PIK3C2G: variants seen among roughly 807,000 people sequenced by gnomAD.
The protein encoded by PIK3C2G is phosphatidylinositol 3-kinase C2 domain-containing subunit gamma.
In PIK3C2G, 168 loss-of-function variants were observed where a neutral mutation model predicts 181.1. The observed-to-expected ratio is 0.93, with a 90% CI of 0.82 to 1.05. PIK3C2G has a LOEUF of 1.05. PIK3C2G is among the 50% of genes least tolerant of loss of function. The pLI, the probability that PIK3C2G is intolerant of heterozygous loss-of-function variation, is 0.00. For synonymous variants in PIK3C2G, 573 were observed against 592.2 expected (o/e 0.97, Z 0.47); for missense variants, 1,869 against 1,732.8 (o/e 1.08, Z -1.40).
At chr12:18,657,780 G>A in the PIK3C2G span, among the ~76,000 whole-genome samples, 1 of 152,078 alleles carries the variant, frequency 6.6e-6, no homozygotes, top group Non-Finnish European at 1.5e-5. Context: ...ACAAAAAATT[G>A]TGAAGTGTGC....
At chr12:18,427,591 A>T (rs1945907826) in intron 18 of PIK3C2G, among the ~76,000 whole-genome samples, 1 of 151,946 alleles carries the variant, frequency 6.6e-6, no homozygotes, top group East Asian at 1.9e-4. Context: ...TTGTTAAAAT[A>T]CTTGGACCAC....
At chr12:18,587,957 C>T (rs1413995005) in intron 29 of PIK3C2G, among the ~76,000 whole-genome samples, 1 of 151,884 alleles carries the variant, frequency 6.6e-6, no homozygotes, top group Admixed American at 6.6e-5. Flanking sequence ...GGCTGCACAC[C>T]TATAGCCAAC....
intron 31 of PIK3C2G, 40 bp downstream of exon 31, chr12:18,609,669 A>C (rs746966385): frequency 1.6e-6 from 2 of 1,243,150 alleles, no homozygotes; most frequent in African/African-American, 1.5e-5. Context: ...GTAAGCCTAC[A>C]TCCAGAAATC....
chr12:18,721,300 AG>A, the PIK3C2G span, among the ~76,000 whole-genome samples: 1 of 152,122 alleles, frequency 6.6e-6, no homozygotes, highest in African/African-American at 2.4e-5. Context: ...ATGAGGGATG[AG>A]GCTGAGGAAC....
At chr12:18,368,855 T>C (rs948038910) in intron 12 of PIK3C2G, among the ~76,000 whole-genome samples, 1 of 152,274 alleles carries the variant, frequency 6.6e-6, no homozygotes, top group East Asian at 1.9e-4. Flanking sequence ...TCCCCAAGGC[T>C]GGATGCTGTA....
At chr12:18,352,128 C>T (rs916328401) in intron 11 of PIK3C2G, among the ~76,000 whole-genome samples, 49 of 152,312 alleles carry the variant, frequency 3.2e-4, no homozygotes, top group African/African-American at 1.2e-3. Context: ...AGGACCAACT[C>T]TGTTTTATTT....
intron 18 of PIK3C2G, among the ~76,000 whole-genome samples, chr12:18,474,330 C>T (rs1433058514): frequency 6.6e-6 from 1 of 152,026 alleles, no homozygotes; most frequent in Non-Finnish European, 1.5e-5. Flanking sequence ...GGCCTTAAAA[C>T]TGATACTAGA....
At chr12:18,554,288 C>A (rs1179277106) in intron 26 of PIK3C2G, among the ~76,000 whole-genome samples, 1 of 152,008 alleles carries the variant, frequency 6.6e-6, no homozygotes, top group Non-Finnish European at 1.5e-5. Context: ...TATAAATGTT[C>A]TTTAACTTTA....
intron 1 of PIK3C2G, among the ~76,000 whole-genome samples, chr12:18,269,912 C>CTTTTTTTTTTT (rs367550750): frequency 7.3e-6 from 1 of 136,930 alleles, no homozygotes. Flanking sequence ...TTTTTCTTTT[C>CTTTTTTTTTTT]TTTTTTTTTT....
At chr12:18,430,177 T>G (rs1946074107) in intron 18 of PIK3C2G, among the ~76,000 whole-genome samples, 1 of 152,124 alleles carries the variant, frequency 6.6e-6, no homozygotes, top group African/African-American at 2.4e-5. Context: ...AGATAAAAAT[T>G]TAAATATGTG....
intron 16 of PIK3C2G, among the ~76,000 whole-genome samples, chr12:18,407,764 T>C (rs557546710): frequency 4.5e-4 from 68 of 152,194 alleles, no homozygotes; most frequent in African/African-American, 1.6e-3. Flanking sequence ...TGGGAATGAA[T>C]TGACAAAAGG....
At chr12:18,640,612 T>C (rs1949796316) in intron 32 of PIK3C2G, 58 bp downstream of exon 32, 1 of 1,466,774 alleles carries the variant, frequency 6.8e-7, no homozygotes, top group Admixed American at 2.3e-5. Context: ...ATTTTTCAGC[T>C]TAACAACCAA....
intron 23 of PIK3C2G, among the ~76,000 whole-genome samples, chr12:18,504,686 C>T (rs1304398667): frequency 7.2e-5 from 11 of 152,180 alleles, no homozygotes; most frequent in Admixed American, 7.2e-4. Context: ...AACATCTGCT[C>T]ATTAGAGAAA....
chr12:18,691,083 T>C, the PIK3C2G span, among the ~76,000 whole-genome samples: 8 of 152,130 alleles, frequency 5.3e-5, no homozygotes, highest in Non-Finnish European at 4.4e-5. Flanking sequence ...AAATTCCTGA[T>C]ACAGGAGAGC....
upstream of PIK3C2G, among the ~76,000 whole-genome samples, chr12:18,256,749 T>C (rs1948149708): frequency 6.6e-6 from 1 of 152,162 alleles, no homozygotes; most frequent in Non-Finnish European, 1.5e-5. Flanking sequence ...TGAGAATTAC[T>C]AACTTTCTAG....
chr12:18,331,559 T>C (rs951062149), intron 8 of PIK3C2G, among the ~76,000 whole-genome samples: 1 of 152,120 alleles, frequency 6.6e-6, no homozygotes, highest in Non-Finnish European at 1.5e-5. Flanking sequence ...GAGTTATTTT[T>C]TGGATTCCTT....
At chr12:18,443,743 T>C (rs866525091) in intron 18 of PIK3C2G, among the ~76,000 whole-genome samples, 1 of 152,208 alleles carries the variant, frequency 6.6e-6, no homozygotes, top group Non-Finnish European at 1.5e-5. Flanking sequence ...GAGTAAATAC[T>C]AAAGTCTATC....
intron 15 of PIK3C2G, among the ~76,000 whole-genome samples, chr12:18,397,817 A>C (rs1433084148): frequency 6.6e-6 from 1 of 152,144 alleles, no homozygotes; most frequent in Non-Finnish European, 1.5e-5. Context: ...ACTTGTGCAC[A>C]AATGATCACA....
intron 18 of PIK3C2G, among the ~76,000 whole-genome samples, chr12:18,463,614 T>C (rs897551804): frequency 3.3e-4 from 50 of 152,220 alleles, no homozygotes; most frequent in African/African-American, 1.2e-3. Flanking sequence ...TGGAATTTAA[T>C]GAGCACGGGT....
Sources: allele counts gnomAD v4.1 joint callset (sites outside exome capture counted in the v4.1 genomes callset), GRCh38; gene constraint gnomAD v4.1.1; transcripts MANE v1.5; gene names NCBI Gene and HGNC (gene_info 2026-07-23, HGNC 2026-07-21).